HIPK1: variants seen among roughly 807,000 people sequenced by gnomAD.
The protein encoded by HIPK1 is homeodomain-interacting protein kinase 1.
Under a neutral mutation model 117.1 loss-of-function variants are expected in HIPK1, and 28 were observed. The ratio of observed to expected loss-of-function variants is 0.24; its 90% CI spans 0.18 to 0.33. The LOEUF (loss-of-function observed/expected upper bound fraction) is 0.33. HIPK1 is among the 10% of genes least tolerant of loss of function. The pLI is 1.00. For missense variants in HIPK1, 1,122 were observed against 1,475.1 expected (o/e 0.76, Z 3.92); for synonymous variants, 605 against 562.5 (o/e 1.08, Z -1.07).
rs545024919 is a variant in HIPK1, at chr1:113,944,492, G to GT, written c.1076+3043dup. Among the ~76,000 whole-genome samples the GT allele has an allele frequency of 3.1e-3, 384 of 122,226 alleles. 6 individuals are homozygous for GT. Among genetic ancestry groups the GT allele is most frequent in the Middle Eastern group, 0.01 (2 of 192 alleles). The allele number at this position is 122,226 out of a possible 152,430, so 80.2% of individuals were successfully genotyped here. A position where few individuals can be genotyped will look rare whatever the true frequency, so the allele number is the denominator to read the frequency against. On this transcript the variant is annotated intron_variant, in intron 2 of 15. Transcript: ENST00000426820. ...AATAGTTTTTTTTTGTTTTTTTTTT[G>GT]TTTTTTTTTTGAGATGGAGTCTTGC...
chr1:113,934,783 T>TGAAA (rs1335397624), intron 1 of HIPK1, among the ~76,000 whole-genome samples: 3 of 99,314 alleles, frequency 3.0e-5, no homozygotes, highest in Non-Finnish European at 5.8e-5. Flanking sequence ...ACCTCATCTC[T>TGAAA]GAAAAAAAAA....
chr1:113,961,357 A>G (rs530943688), intron 8 of HIPK1, among the ~76,000 whole-genome samples: 3 of 152,356 alleles, frequency 2.0e-5, no homozygotes, highest in African/African-American at 7.2e-5. Context: ...GATTTCTAAA[A>G]TAAGTTGAAG....
In HIPK1 at chr1:113,958,297, T is replaced by C; in HGVS notation, c.1981+6T>C. On this transcript the variant is annotated splice_donor_region_variant and intron_variant, in intron 8 of 15. Transcript: ENST00000426820. ...ATGTCCACCTGCGTTTCAAAGTAAG[T>C]GGGGAAACTCCTGTATCATATGGTA... The C allele has an allele frequency of 6.3e-7, 1 of 1,593,696 alleles. No individual in the cohort carries two copies. Among genetic ancestry groups the C allele is most frequent in the East Asian group, 2.2e-5 (1 of 44,776 alleles).
At chr1:113,935,372 T>A (rs1279837057) in intron 1 of HIPK1, among the ~76,000 whole-genome samples, 2 of 152,234 alleles carry the variant, frequency 1.3e-5, no homozygotes, top group African/African-American at 4.8e-5. Context: ...TTGTTCTTTT[T>A]TATGGCTGCA....
In HIPK1 at chr1:113,973,549, T is replaced by C; in HGVS notation, c.*37T>C. 6.5e-7 allele frequency: 1 copy of C among 1,541,526 alleles called. No homozygotes were observed. The highest frequency in any genetic ancestry group is 8.8e-7 in the Non-Finnish European group (1 of 1,141,544). On this transcript the variant is annotated 3_prime_UTR_variant, in exon 16 of 16. Transcript: ENST00000426820. ...GAGGGAGGAGGAATCATGGCTACCTTCTCCTGGCCCTGCGTTCTTAATATT... is the reference window on the plus strand; with the variant it reads ...GAGGGAGGAGGAATCATGGCTACCTCCTCCTGGCCCTGCGTTCTTAATATT...
intron 13 of HIPK1, among the ~76,000 whole-genome samples, chr1:113,969,034 CA>C (rs978104666): frequency 5.3e-5 from 8 of 151,350 alleles, no homozygotes; most frequent in East Asian, 1.9e-4. Context: ...CGCCCCCACC[CA>C]AAAAAAAGGG....
At chr1:113,933,949 T>C (rs1016011765) in intron 1 of HIPK1, among the ~76,000 whole-genome samples, 7 of 152,030 alleles carry the variant, frequency 4.6e-5, no homozygotes, top group African/African-American at 1.7e-4. Context: ...GGAGAAAACT[T>C]AGGAGAGTAG....
At position 113,976,918 on chromosome 1, in the gene HIPK1, C is replaced by T. The variant is rs1401541291; in HGVS notation, c.*3406C>T. On this transcript the variant is annotated 3_prime_UTR_variant, in exon 16 of 16. Transcript: ENST00000426820. ...TGTAGCCACTCTGGGCTCATAGGGA[C>T]ACTTGGTCACTCCAGAGTTTTTAAT... The T allele has an allele frequency of 6.5e-6, 1 of 152,776 alleles. No homozygotes were observed. The highest frequency in any genetic ancestry group is 1.5e-5 in the Non-Finnish European group (1 of 68,044). 9.5% of individuals were successfully genotyped at this position (152,776 alleles called of 1,614,324 possible). A position where few individuals can be genotyped will look rare whatever the true frequency, so the allele number is the denominator to read the frequency against.
intron 2 of HIPK1, among the ~76,000 whole-genome samples, 157 bp from the exon 3 acceptor site, chr1:113,952,609 C>T (rs1278420281): frequency 6.6e-6 from 1 of 152,134 alleles, no homozygotes; most frequent in Non-Finnish European, 1.5e-5. Flanking sequence ...ACATCTGGCC[C>T]TGAGCTTCAG....
Position 113,929,428 on chromosome 1 carries a change from G to C in HIPK1, c.-107G>C. On this transcript the variant is annotated 5_prime_UTR_variant, in exon 1 of 16. Transcript: ENST00000426820. ...AGTCCAGGCCCCGCACTCGATCCAC[G>C]CTGGCTCCCTACGGAGGCCCACCTA... 7.8e-7 allele frequency: 1 copy of C among 1,289,426 alleles called. No individual in the cohort carries two copies. The highest frequency in any genetic ancestry group is 1.2e-5 in the South Asian group (1 of 81,036). The allele number at this position is 1,289,426 out of a possible 1,614,324, so 79.9% of individuals were successfully genotyped here. A position where few individuals can be genotyped will look rare whatever the true frequency, so the allele number is the denominator to read the frequency against.
In HIPK1 at chr1:113,952,782, C is replaced by A; in HGVS notation, c.1093C>A (p.Leu365Ile). 6.8e-7 allele frequency: 1 copy of A among 1,470,040 alleles called. No homozygotes were observed. The highest frequency in any genetic ancestry group is 1.5e-5 in the African/African-American group (1 of 68,136). 91.1% of individuals were successfully genotyped at this position (1,470,040 alleles called of 1,614,324 possible). ...SRYYRAPEII[L>I]GLPFCEAIDM... ...TTTTGCTAGAGCTCCTGAAATTATT[C>A]TTGGGTTACCATTTTGTGAAGCTAT... The change falls in exon 3 of 16, where the codon CTT becomes ATT. Residue 365 changes from leucine (L) to isoleucine (I), a missense_variant. Transcript: ENST00000426820.
intron 10 of HIPK1, among the ~76,000 whole-genome samples, chr1:113,963,905 A>G (rs1320260690): frequency 6.6e-6 from 1 of 152,194 alleles, no homozygotes; most frequent in Non-Finnish European, 1.5e-5. Context: ...AATGAAGGAA[A>G]TGGCCTTTAA....
intron 12 of HIPK1, 94 bp downstream of exon 12, chr1:113,968,042 T>TA: frequency 8.7e-7 from 1 of 1,147,056 alleles, no homozygotes; most frequent in East Asian, 2.5e-5. Context: ...ATAATATAGA[T>TA]ATGAAGCAGC....
Position 113,967,770 on chromosome 1 carries a change from GC to G in HIPK1, c.2389del (p.His797ThrfsTer17). On this transcript the variant is annotated frameshift_variant, in exon 12 of 16. Coordinates refer to ENST00000426820, the MANE Select transcript of HIPK1 (RefSeq NM_198268.3). LOFTEE classifies it high-confidence loss of function. ...SGQQLADWRN[A>X]HSHGNQYSTI... ...TCTTTCTTTCTGTTGGTACAGGAAT[GC>G]CCACTCTCATGGCAACCAGTACAGC... is the stretch of plus-strand genomic sequence containing the variant. 1 of 1,523,714 alleles carries G rather than the reference GC, an allele frequency of 6.6e-7. No individual in the cohort carries two copies. The highest frequency in any genetic ancestry group is 8.8e-7 in the Non-Finnish European group (1 of 1,137,834). The allele number at this position is 1,523,714 out of a possible 1,614,324, so 94.4% of individuals were successfully genotyped here.
intron 1 of HIPK1, chr1:113,930,556 C>T (rs990686266): frequency 6.6e-6 from 1 of 152,452 alleles, no homozygotes; most frequent in African/African-American, 2.4e-5. Flanking sequence ...CTTTTGCTGC[C>T]ACCACTTTCA....
intron 1 of HIPK1, among the ~76,000 whole-genome samples, chr1:113,940,109 C>T (rs1194413174): frequency 6.6e-6 from 1 of 152,062 alleles, no homozygotes; most frequent in African/African-American, 2.4e-5. Context: ...CTGGCCCATA[C>T]TGGTTACTTT....
chr1:113,940,499 A>G lies in HIPK1; in HGVS notation c.116A>G (p.Asn39Ser), dbSNP rs1259010196. The G allele has an allele frequency of 3.7e-6, 6 of 1,614,188 alleles. No homozygotes were observed. In the South Asian group the frequency reaches 6.6e-5, roughly 18 times the overall value. ...SGWDVSGQSS[N>S]DKYYTHSKTL... ...TGGGATGTTTCAGGACAGAGTAGCAACGACAAATATTATACCCACAGCAAA... is the reference window on the plus strand; with the variant it reads ...TGGGATGTTTCAGGACAGAGTAGCAGCGACAAATATTATACCCACAGCAAA... Residue 39 changes from asparagine (N) to serine (S), a missense_variant, in exon 2 of 16, where the codon AAC becomes AGC. Physicochemically the swap from Asn to Ser is conservative, Grantham distance 46. Around this residue, in one of 6 missense-constraint regions of HIPK1, gnomAD observed 192 missense variants for 234.0 expected, o/e 0.82. Coordinates refer to ENST00000426820, the MANE Select transcript of HIPK1 (RefSeq NM_198268.3).
chr1:113,935,648 TAA>T (rs1221762280), intron 1 of HIPK1, among the ~76,000 whole-genome samples: 8 of 152,220 alleles, frequency 5.3e-5, no homozygotes, highest in African/African-American at 1.7e-4. Flanking sequence ...ATCAGCAGTA[TAA>T]GTGTTCCCTT....
intron 2 of HIPK1, among the ~76,000 whole-genome samples, chr1:113,942,174 T>A (rs7546851): frequency 0.23 from 34,888 of 150,784 alleles, 4,112 homozygotes; most frequent in East Asian, 0.25. Context: ...TTTCTCCTGC[T>A]ACTCCTGTCC....
Sources: gnomAD v4.1 joint callset for allele counts (sites outside exome capture counted in the v4.1 genomes callset) on GRCh38, gnomAD v4.1.1 for gene constraint, gnomAD v4.1.1 regional missense constraint, MANE v1.5 for transcripts, NCBI Gene and HGNC (gene_info 2026-07-23, HGNC 2026-07-21) for gene names.